CDH18: variants seen among roughly 807,000 people sequenced by gnomAD.
The protein encoded by CDH18 is cadherin-18.
A neutral mutation model predicts 67.9 loss-of-function variants in CDH18; 31 were observed. The observed-to-expected ratio is 0.46, with a 90% CI of 0.34 to 0.62. The LOEUF is 0.62. Ranked by LOEUF, CDH18 falls within the 20% of genes least tolerant of loss-of-function variation. The pLI, the probability that CDH18 is intolerant of heterozygous loss-of-function variation, is 0.01. For missense variants in CDH18, 890 were observed against 975.5 expected (o/e 0.91, Z 1.17); for synonymous variants, 362 against 347.2 (o/e 1.04, Z -0.48).
At chr5:20,203,644 C>CA (rs1739637249) in intron 2 of CDH18, among the ~76,000 whole-genome samples, 1 of 140,632 alleles carries the variant, frequency 7.1e-6, no homozygotes, top group African/African-American at 2.7e-5. Context: ...CAAATGTATA[C>CA]AATAAAAAAA....
At chr5:19,488,560 T>G (rs915170902) in intron 11 of CDH18, among the ~76,000 whole-genome samples, 3 of 152,156 alleles carry the variant, frequency 2.0e-5, no homozygotes, top group African/African-American at 7.2e-5. Context: ...GTCTCTGAGT[T>G]TTTTTCAGTC....
intron 6 of CDH18, among the ~76,000 whole-genome samples, chr5:19,594,253 A>G (rs1745807429): frequency 6.6e-6 from 1 of 151,914 alleles, no homozygotes; most frequent in African/African-American, 2.4e-5. Context: ...CTGGCTTCAC[A>G]GGATTCTTCT....
At chr5:19,836,553 A>G (rs928880248) in intron 3 of CDH18, among the ~76,000 whole-genome samples, 1 of 152,096 alleles carries the variant, frequency 6.6e-6, no homozygotes, top group Non-Finnish European at 1.5e-5. Flanking sequence ...AGTTCTTTGT[A>G]GATTCTGGAT....
chr5:19,764,123 C>T (rs542370256), intron 3 of CDH18, among the ~76,000 whole-genome samples: 79 of 147,720 alleles, frequency 5.3e-4, no homozygotes, highest in African/African-American at 2.0e-3. Flanking sequence ...TAGCCAAGAT[C>T]GTGCCACTGT....
chr5:20,056,473 C>CTTTT (rs1561754004), intron 2 of CDH18, among the ~76,000 whole-genome samples: 33 of 13,524 alleles, frequency 2.4e-3, no homozygotes, highest in Non-Finnish European at 4.3e-3. Flanking sequence ...TATTTTCTTT[C>CTTTT]TTTTGTTTTT....
chr5:20,199,761 C>A (rs978777131), intron 2 of CDH18, among the ~76,000 whole-genome samples: 1 of 152,048 alleles, frequency 6.6e-6, no homozygotes, highest in Admixed American at 6.6e-5. Context: ...TGGGAAGAAC[C>A]CAATAGGAGG....
intron 2 of CDH18, among the ~76,000 whole-genome samples, chr5:20,242,601 A>ATATATATATAT (rs1454331020): frequency 0.019 from 1,017 of 54,888 alleles, 102 homozygotes; most frequent in Middle Eastern, 0.071. Flanking sequence ...TGAGGGAAAA[A>ATATATATATAT]AAAAAAAAAA....
chr5:20,296,540 C>T (rs953352204), intron 1 of CDH18, among the ~76,000 whole-genome samples: 44 of 151,996 alleles, frequency 2.9e-4, no homozygotes, highest in Non-Finnish European at 8.8e-5. Context: ...GGATTACAGG[C>T]GTGAGCCACC....
intron 1 of CDH18, among the ~76,000 whole-genome samples, chr5:20,460,176 C>G (rs935783288): frequency 6.6e-6 from 1 of 151,896 alleles, no homozygotes; most frequent in African/African-American, 2.4e-5. Context: ...GGGTGGATCA[C>G]GAAGTCAAGA....
At position 19,743,345 on chromosome 5, in the gene CDH18, C is replaced by T. The variant is rs533112823; in HGVS notation, c.523+3597G>A. 1.4e-4 allele frequency among the ~76,000 whole-genome samples: 22 copies of T among 151,948 alleles called. No individual in the cohort carries two copies. In the South Asian group the frequency reaches 4.2e-3, roughly 29 times the overall value. ...GACACCATCCTCTAATTGTTCCTTGCCTCTGATCTCCCTATAATAGCTTAC... is the reference window on the plus strand; with the variant it reads ...GACACCATCCTCTAATTGTTCCTTGTCTCTGATCTCCCTATAATAGCTTAC... On this transcript the variant is annotated intron_variant, in intron 4 of 12. Transcript: ENST00000382275.
At chr5:20,505,351 T>C (rs1470123841) in intron 1 of CDH18, among the ~76,000 whole-genome samples, 2 of 152,216 alleles carry the variant, frequency 1.3e-5, no homozygotes, top group African/African-American at 4.8e-5. Context: ...TAGTGTTCAA[T>C]TTAACATTTT....
At chr5:20,046,067 A>G (rs182290800) in intron 2 of CDH18, among the ~76,000 whole-genome samples, 143 of 152,198 alleles carry the variant, frequency 9.4e-4, no homozygotes, top group African/African-American at 3.3e-3. Flanking sequence ...CTAAAGAGAA[A>G]TAGCAGAAAA....
At position 20,438,748 on chromosome 5, in the gene CDH18, T is replaced by C. The variant is rs934809349; in HGVS notation, c.-580+136714A>G. On this transcript the variant is annotated intron_variant, in intron 1 of 14. Transcript: ENST00000507958. ...TGTACCTTCTATTGCTCTAGATTGATTATCTCCTGAATATTTCACTCTGTT... is the reference window on the plus strand; with the variant it reads ...TGTACCTTCTATTGCTCTAGATTGACTATCTCCTGAATATTTCACTCTGTT... 7.3e-5 allele frequency among the ~76,000 whole-genome samples: 11 copies of C among 151,516 alleles called. No individual in the cohort carries two copies. The Middle Eastern group carries it at 0.01, about 141-fold the overall frequency.
At chr5:20,545,070 A>T (rs1308533961) in intron 1 of CDH18, among the ~76,000 whole-genome samples, 1 of 152,218 alleles carries the variant, frequency 6.6e-6, no homozygotes, top group East Asian at 1.9e-4. Context: ...ACCTGGCCAG[A>T]CAGTCATTAA....
chr5:19,646,664 A>G (rs1754787464), intron 5 of CDH18, among the ~76,000 whole-genome samples: 1 of 152,110 alleles, frequency 6.6e-6, no homozygotes, highest in Non-Finnish European at 1.5e-5. Context: ...ATAAAAAATT[A>G]GAAGTAAGAT....
chr5:20,107,855 A>G (rs543470771), intron 2 of CDH18, among the ~76,000 whole-genome samples: 26 of 151,020 alleles, frequency 1.7e-4, no homozygotes, highest in South Asian at 1.5e-3. Context: ...ATGTTGGTGT[A>G]CTGCACCTAT....
chr5:20,261,743 G>A (rs1019042132), intron 1 of CDH18, among the ~76,000 whole-genome samples: 2 of 151,500 alleles, frequency 1.3e-5, no homozygotes, highest in Non-Finnish European at 2.9e-5. Context: ...AAAAAAAAAT[G>A]ATAGAGAAAA....
chr5:20,450,091 A>T (rs1257551055), intron 1 of CDH18, among the ~76,000 whole-genome samples: 2 of 152,040 alleles, frequency 1.3e-5, no homozygotes, highest in Non-Finnish European at 2.9e-5. Context: ...TAATCCCAGC[A>T]CTTTGGGAGG....
intron 1 of CDH18, among the ~76,000 whole-genome samples, chr5:20,405,104 A>G (rs9687828): frequency 0.01 from 1,540 of 152,282 alleles, 22 homozygotes; most frequent in African/African-American, 0.035. Context: ...TTCATATGGA[A>G]CCAAAAAAGA....
Sources: allele counts gnomAD v4.1 joint callset (sites outside exome capture counted in the v4.1 genomes callset), GRCh38; gene constraint gnomAD v4.1.1; transcripts MANE v1.5; gene names NCBI Gene and HGNC (gene_info 2026-07-23, HGNC 2026-07-21).